ERBB4: variants seen among roughly 807,000 people sequenced by gnomAD.
ERBB4 encodes receptor tyrosine-protein kinase erbB-4.
A neutral mutation model predicts 158.0 loss-of-function variants in ERBB4; 42 were observed. The observed-to-expected ratio is 0.27, with a 90% confidence interval of 0.21 to 0.34. The LOEUF is 0.34. Ranked by LOEUF, ERBB4 falls within the 10% of genes least tolerant of loss-of-function variation. ERBB4 has a pLI of 1.00. For missense variants in ERBB4, 1,333 were observed against 1,624.1 expected (o/e 0.82, Z 3.08); for synonymous variants, 583 against 558.7 (o/e 1.04, Z -0.61).
chr2:212,341,774 A>C (rs952443828), intron 1 of ERBB4, among the ~76,000 whole-genome samples: 3 of 152,192 alleles, frequency 2.0e-5, no homozygotes, highest in Non-Finnish European at 4.4e-5. Context: ...CATTCTTATC[A>C]GCTTGATCTC....
intron 1 of ERBB4, among the ~76,000 whole-genome samples, chr2:212,262,335 C>T (rs762356476): frequency 1.6e-4 from 25 of 152,186 alleles, no homozygotes; most frequent in Admixed American, 1.6e-3. Flanking sequence ...TCTGACTCCA[C>T]GCATTGCAAG....
chr2:211,388,947 T>C (rs1025986016), intron 25 of ERBB4, among the ~76,000 whole-genome samples: 1 of 152,210 alleles, frequency 6.6e-6, no homozygotes, highest in Admixed American at 6.5e-5. Context: ...AATCGCTTGA[T>C]TTTATGAAGC....
intron 19 of ERBB4, among the ~76,000 whole-genome samples, chr2:211,593,199 G>A (rs2068529706): frequency 6.6e-6 from 1 of 152,042 alleles, no homozygotes; most frequent in Non-Finnish European, 1.5e-5. Context: ...TACTGACGAT[G>A]GAACAAGAAA....
chr2:211,464,970 T>TC (rs1203321859), intron 20 of ERBB4, among the ~76,000 whole-genome samples: 1 of 77,900 alleles, frequency 1.3e-5, no homozygotes, highest in African/African-American at 3.0e-5. Context: ...ACCTTGTTTT[T>TC]CTTTTTTTTT....
At chr2:211,652,395 T>C (rs1369852197) in intron 16 of ERBB4, among the ~76,000 whole-genome samples, 2 of 152,212 alleles carry the variant, frequency 1.3e-5, no homozygotes, top group Non-Finnish European at 1.5e-5. Context: ...TTAAGGATCA[T>C]AATACAACTG....
intron 1 of ERBB4, among the ~76,000 whole-genome samples, chr2:212,446,348 A>T (rs944845846): frequency 8.6e-5 from 13 of 151,666 alleles, no homozygotes; most frequent in African/African-American, 3.1e-4. Flanking sequence ...TGGTGGGCAC[A>T]ATCTCATCAG....
intron 1 of ERBB4, among the ~76,000 whole-genome samples, chr2:212,406,003 T>C (rs893146132): frequency 2.0e-5 from 3 of 152,080 alleles, no homozygotes; most frequent in African/African-American, 7.2e-5. Flanking sequence ...ATCCTAAGAA[T>C]ATCGAGGGAC....
chr2:212,029,810 A>C (rs2125345879), intron 2 of ERBB4, among the ~76,000 whole-genome samples: 1 of 152,264 alleles, frequency 6.6e-6, no homozygotes, highest in South Asian at 2.1e-4. Context: ...AATGCTCAGG[A>C]TAATACCGAG....
intron 2 of ERBB4, among the ~76,000 whole-genome samples, chr2:212,068,719 C>T (rs1027928714): frequency 9.2e-5 from 14 of 152,172 alleles, no homozygotes; most frequent in African/African-American, 2.4e-4. Context: ...TCTCTGTCTG[C>T]GAAGCAAATC....
intron 2 of ERBB4, among the ~76,000 whole-genome samples, chr2:211,978,879 C>T (rs541748189): frequency 1.2e-4 from 19 of 152,206 alleles, no homozygotes; most frequent in African/African-American, 4.3e-4. Context: ...TTTTAGACAT[C>T]AATCTGATTT....
intron 1 of ERBB4, among the ~76,000 whole-genome samples, chr2:212,503,877 A>AG (rs1691038134): frequency 6.9e-6 from 1 of 145,260 alleles, no homozygotes; most frequent in African/African-American, 2.5e-5. Flanking sequence ...AAACAAAAAG[A>AG]GAAAAAAAAA....
intron 1 of ERBB4, among the ~76,000 whole-genome samples, chr2:212,464,942 C>T (rs1210820094): frequency 6.6e-6 from 1 of 150,822 alleles, no homozygotes; most frequent in African/African-American, 2.5e-5. Context: ...TAGAAACTAA[C>T]ACAGTACAAA....
At chr2:211,945,229 C>A (rs779124795) in intron 3 of ERBB4, among the ~76,000 whole-genome samples, 81 of 152,080 alleles carry the variant, frequency 5.3e-4, no homozygotes, top group Non-Finnish European at 9.6e-4. Flanking sequence ...TGTCTTCTAT[C>A]ATTTCTTGCA....
intron 14 of ERBB4, among the ~76,000 whole-genome samples, chr2:211,669,216 CAAAAAAAAAAA>C (rs71054124): frequency 1.8e-5 from 1 of 56,110 alleles, no homozygotes. Flanking sequence ...GAGTGAGTCT[CAAAAAAAAAAA>C]AAAAAAAAAA....
intron 1 of ERBB4, among the ~76,000 whole-genome samples, chr2:212,191,967 TTA>T (rs1252308102): frequency 0.027 from 2,956 of 108,610 alleles, 54 homozygotes; most frequent in Non-Finnish European, 0.039. Context: ...GTTATATATG[TTA>T]TATGTTATAT....
chr2:212,146,956 G>A (rs959017847), intron 1 of ERBB4, among the ~76,000 whole-genome samples: 1 of 149,794 alleles, frequency 6.7e-6, no homozygotes, highest in African/African-American at 2.5e-5. Flanking sequence ...GAAAAAGTTG[G>A]CAGAGAGAAG....
chr2:211,540,823 A>G (rs2066787864), intron 20 of ERBB4, among the ~76,000 whole-genome samples: 1 of 151,986 alleles, frequency 6.6e-6, no homozygotes, highest in Non-Finnish European at 1.5e-5. Context: ...CCTCAATGTC[A>G]TCATTTGTTT....
intron 12 of ERBB4, among the ~76,000 whole-genome samples, chr2:211,687,548 GTATGTTTGTT>G (rs2072616472): frequency 1.4e-5 from 2 of 143,522 alleles, no homozygotes; most frequent in African/African-American, 2.5e-5. Context: ...TTTTAGCATT[GTATGTTTGTT>G]TGTTGTTTTT....
intron 16 of ERBB4, among the ~76,000 whole-genome samples, chr2:211,650,131 A>G (rs1367819575): frequency 6.6e-6 from 1 of 152,038 alleles, no homozygotes; most frequent in Non-Finnish European, 1.5e-5. Context: ...AGAAAATATG[A>G]AAAAAGGTAC....
Sources: allele counts gnomAD v4.1 joint callset (sites outside exome capture counted in the v4.1 genomes callset), GRCh38; gene constraint gnomAD v4.1.1; transcripts MANE v1.5; gene names NCBI Gene and HGNC (gene_info 2026-07-23, HGNC 2026-07-21).